The following SHROOM3 variants were observed in gnomAD, a reference collection of about 807,000 sequenced individuals.
SHROOM3 encodes shroom family member 3.
SHROOM3 carries 47 observed loss-of-function variants against 138.6 expected under a neutral mutation model. The ratio of observed to expected loss-of-function variants is 0.34; its 90% CI spans 0.27 to 0.43. The LOEUF is 0.43. Among genes scored for constraint, SHROOM3 ranks in the 20% least tolerant of loss-of-function variants. The pLI is 1.00. For missense variants in SHROOM3, 2,491 were observed against 2,596.5 expected, an observed-to-expected ratio of 0.96 and a Z score of 0.88; for synonymous variants, 1,062 against 1,063.3, an observed-to-expected ratio of 1.00 and a Z score of 0.02.
At chr4:76,552,903 T>C (rs531505314) in intron 1 of SHROOM3, among the ~76,000 whole-genome samples, 3 of 152,312 alleles carry the variant, frequency 2.0e-5, no homozygotes, top group African/African-American at 7.2e-5. Flanking sequence ...CATTGGCATG[T>C]GACCCAGATC....
chr4:76,573,823 C>T (rs752941896), intron 2 of SHROOM3, among the ~76,000 whole-genome samples: 53 of 152,236 alleles, frequency 3.5e-4, no homozygotes, highest in Non-Finnish European at 5.7e-4. Context: ...CCCAGCAACT[C>T]CTGACCCAGG....
chr4:76,440,886 C>T (rs1201335155), intron 1 of SHROOM3, among the ~76,000 whole-genome samples: 4 of 152,088 alleles, frequency 2.6e-5, no homozygotes, highest in African/African-American at 9.7e-5. Context: ...TGTCACCTCT[C>T]CTTCTCCAAA....
intron 2 of SHROOM3, among the ~76,000 whole-genome samples, chr4:76,695,842 G>C (rs571528579): frequency 2.8e-4 from 43 of 152,310 alleles, no homozygotes; most frequent in Non-Finnish European, 4.1e-4. Flanking sequence ...CATTTCCTCA[G>C]CCACTCAAGT....
intron 2 of SHROOM3, among the ~76,000 whole-genome samples, chr4:76,569,932 C>T (rs1360905037): frequency 2.6e-5 from 4 of 152,128 alleles, no homozygotes; most frequent in African/African-American, 7.2e-5. Flanking sequence ...TTTCCTGCCT[C>T]ATTGGCCCAT....
At chr4:76,589,174 C>G (rs1734210990) in intron 2 of SHROOM3, among the ~76,000 whole-genome samples, 1 of 152,218 alleles carries the variant, frequency 6.6e-6, no homozygotes, top group Non-Finnish European at 1.5e-5. Context: ...CACAAGTGAT[C>G]AAGAGACTCC....
At chr4:76,704,062 T>C (rs1329893298) in intron 2 of SHROOM3, among the ~76,000 whole-genome samples, 2 of 152,192 alleles carry the variant, frequency 1.3e-5, no homozygotes, top group Non-Finnish European at 2.9e-5. Context: ...AGAAATCAAC[T>C]CAGAGCCTGA....
At chr4:76,561,605 C>A (rs1733597023) in intron 2 of SHROOM3, among the ~76,000 whole-genome samples, 2 of 148,234 alleles carry the variant, frequency 1.3e-5, no homozygotes, top group Non-Finnish European at 3.0e-5. Context: ...GTCTTAGGGA[C>A]TTTTGGCCCC....
chr4:76,521,072 C>G (rs1242358694), intron 1 of SHROOM3, among the ~76,000 whole-genome samples: 1 of 152,140 alleles, frequency 6.6e-6, no homozygotes, highest in African/African-American at 2.4e-5. Context: ...AAATCATATG[C>G]CTTCATTACT....
intron 10 of SHROOM3, 101 bp from the exon 11 acceptor site, chr4:76,778,708 C>A: frequency 1.3e-6 from 2 of 1,517,082 alleles, no homozygotes; most frequent in Non-Finnish European, 9.1e-7. Context: ...AGGAATAGAG[C>A]TTAGATATTT....
intron 2 of SHROOM3, chr4:76,689,783 C>G: frequency 1.0e-6 from 1 of 978,112 alleles, no homozygotes; most frequent in Non-Finnish European, 1.2e-6. Flanking sequence ...ATTTCGGGCT[C>G]TGCGGCGACT....
intron 2 of SHROOM3, among the ~76,000 whole-genome samples, chr4:76,690,309 G>A (rs1719484449): frequency 6.6e-6 from 1 of 152,154 alleles, no homozygotes. Flanking sequence ...TCAACACCTG[G>A]AGCACTCTCT....
intron 2 of SHROOM3, among the ~76,000 whole-genome samples, chr4:76,657,189 C>T (rs916320467): frequency 3.4e-5 from 5 of 149,212 alleles, no homozygotes; most frequent in Admixed American, 1.3e-4. Flanking sequence ...CTCTCTCTCT[C>T]GCTCTCTCTC....
chr4:76,757,067 T>C, intron 8 of SHROOM3, 130 bp downstream of exon 8: 1 of 1,468,554 alleles, frequency 6.8e-7, no homozygotes, highest in Non-Finnish European at 9.3e-7. Flanking sequence ...TGACATTTTA[T>C]CTCAGTCTTG....
chr4:76,755,566 T>G (rs997913923), intron 7 of SHROOM3, among the ~76,000 whole-genome samples: 1 of 152,162 alleles, frequency 6.6e-6, no homozygotes, highest in Non-Finnish European at 1.5e-5. Flanking sequence ...GAGCTAACAT[T>G]AAAGAATATG....
chr4:76,657,447 C>T (rs769522579), intron 2 of SHROOM3, among the ~76,000 whole-genome samples: 4 of 152,192 alleles, frequency 2.6e-5, no homozygotes, highest in Admixed American at 6.5e-5. Context: ...CATATACACT[C>T]ATTTATAGCC....
chr4:76,547,456 C>G (rs1038991141), intron 1 of SHROOM3, among the ~76,000 whole-genome samples: 1 of 152,180 alleles, frequency 6.6e-6, no homozygotes, highest in African/African-American at 2.4e-5. Flanking sequence ...CCCTCAACAT[C>G]TGGTTGCAAT....
At chr4:76,722,647 C>T (rs916022564) in intron 3 of SHROOM3, among the ~76,000 whole-genome samples, 1 of 151,812 alleles carries the variant, frequency 6.6e-6, no homozygotes, top group Non-Finnish European at 1.5e-5. Context: ...CATGTGTACC[C>T]CTAAAATTAA....
chr4:76,769,030 TCTGGTG>T (rs781151703), intron 9 of SHROOM3, among the ~76,000 whole-genome samples: 4 of 152,208 alleles, frequency 2.6e-5, no homozygotes, highest in Non-Finnish European at 4.4e-5. Flanking sequence ...ATGGACCTTC[TCTGGTG>T]CTGATACTGA....
chr4:76,438,155 T>C (rs777015515), intron 1 of SHROOM3, among the ~76,000 whole-genome samples: 4 of 152,196 alleles, frequency 2.6e-5, no homozygotes, highest in Non-Finnish European at 4.4e-5. Flanking sequence ...AACAATAATA[T>C]AGGAATTTAT....
Sources: gnomAD v4.1 joint callset for allele counts (sites outside exome capture counted in the v4.1 genomes callset) on GRCh38, gnomAD v4.1.1 for gene constraint, MANE v1.5 for transcripts, NCBI Gene and HGNC (gene_info 2026-07-23, HGNC 2026-07-21) for gene names.